Variants in ZDHHC2 observed in about 807,000 individuals in gnomAD.
The protein encoded by ZDHHC2 is zDHHC palmitoyltransferase 2.
Under a neutral mutation model 55.6 loss-of-function variants are expected in ZDHHC2, and 51 were observed. That is an observed-to-expected ratio of 0.92 (90% CI 0.73 to 1.16). The LOEUF is 1.16. ZDHHC2 is among the 50% of genes most tolerant of loss of function. The pLI, the probability that ZDHHC2 is intolerant of heterozygous loss-of-function variation, is 0.00. For missense variants in ZDHHC2, 491 were observed against 442.4 expected (o/e 1.11, Z -0.99); for synonymous variants, 199 against 152.9 (o/e 1.30, Z -2.22).
chr8:17,214,865 G>A (rs1807570357), intron 10 of ZDHHC2, among the ~76,000 whole-genome samples: 1 of 152,142 alleles, frequency 6.6e-6, no homozygotes, highest in African/African-American at 2.4e-5. Flanking sequence ...CTGCACTCCA[G>A]CCTGGGCAAT....
At chr8:17,216,378 T>G (rs551291231) in intron 11 of ZDHHC2, among the ~76,000 whole-genome samples, 1 of 152,200 alleles carries the variant, frequency 6.6e-6, no homozygotes. Context: ...AGCCTTATCT[T>G]TAAGAAATAT....
intron 3 of ZDHHC2, among the ~76,000 whole-genome samples, chr8:17,188,759 C>G (rs566810366): frequency 1.1e-4 from 17 of 152,320 alleles, no homozygotes; most frequent in Admixed American, 6.5e-4. Context: ...TTCCAGCTCC[C>G]TATTTGACAT....
At chr8:17,195,382 C>G in intron 3 of ZDHHC2, 122 bp from the exon 4 acceptor site, 1 of 1,156,380 alleles carries the variant, frequency 8.6e-7, no homozygotes, top group Non-Finnish European at 1.2e-6. Flanking sequence ...ACTCTATTGT[C>G]TCTTTGAATG....
intron 1 of ZDHHC2, among the ~76,000 whole-genome samples, chr8:17,167,690 A>G (rs1804671614): frequency 6.6e-6 from 1 of 152,336 alleles, no homozygotes; most frequent in East Asian, 1.9e-4. Flanking sequence ...GAGAATTTAG[A>G]TGATAAAGTT....
intron 12 of ZDHHC2, 72 bp downstream of exon 12, chr8:17,217,318 A>G (rs1358938070): frequency 2.7e-6 from 3 of 1,110,390 alleles, no homozygotes; most frequent in Non-Finnish European, 3.8e-6. Context: ...AATAGTTTCC[A>G]TAAACATTTT....
intron 1 of ZDHHC2, among the ~76,000 whole-genome samples, chr8:17,177,744 T>G (rs1805217231): frequency 7.2e-6 from 1 of 137,958 alleles, no homozygotes; most frequent in South Asian, 2.6e-4. Flanking sequence ...GTCTCTGTTT[T>G]GGGGTGTTTG....
chr8:17,198,660 A>G (rs529335489), intron 6 of ZDHHC2, among the ~76,000 whole-genome samples: 3 of 152,368 alleles, frequency 2.0e-5, no homozygotes, highest in South Asian at 4.1e-4. Flanking sequence ...GCTCAGAACA[A>G]AGGATTTTGT....
At chr8:17,214,476 A>G (rs1337831679) in intron 10 of ZDHHC2, among the ~76,000 whole-genome samples, 1 of 152,040 alleles carries the variant, frequency 6.6e-6, no homozygotes, top group Non-Finnish European at 1.5e-5. Context: ...TCACATTCAT[A>G]TTTTCTTCCA....
At chr8:17,202,684 GTAT>G (rs1806852104) in intron 6 of ZDHHC2, among the ~76,000 whole-genome samples, 2 of 150,346 alleles carry the variant, frequency 1.3e-5, no homozygotes, top group Admixed American at 1.3e-4. Flanking sequence ...AGACAGTAAG[GTAT>G]TATTCAAAAT....
rs375225493 is a variant in ZDHHC2 at position 17,213,004 on chromosome 8, T to G, written c.951-2233T>G. ...TGGCCTTCTGGATGTCATTCTTTTT[T>G]ACTTTCCTTTCACTTACAATCCTCA... On this transcript the variant is annotated intron_variant, in intron 10 of 12. Coordinates refer to ENST00000262096, the MANE Select transcript of ZDHHC2 (RefSeq NM_016353.5). Among the ~76,000 whole-genome samples, 9 of 152,092 alleles carry G rather than the reference T, an allele frequency of 5.9e-5. 1 individual carries two copies. In the East Asian group the frequency reaches 1.3e-3, roughly 23 times the overall value.
rs1585625854 is a variant in ZDHHC2, at chr8:17,156,842, A to G, written c.119A>G (p.Gln40Arg). 4 of 1,512,438 alleles carry G rather than the reference A, an allele frequency of 2.6e-6. No individual in the cohort carries two copies. The highest frequency in any genetic ancestry group is 3.5e-6 in the Non-Finnish European group (4 of 1,129,032). 93.7% of individuals were successfully genotyped at this position (1,512,438 alleles called of 1,614,324 possible). The change falls in exon 1 of 13, where the codon CAG becomes CGG. Residue 40 changes from glutamine to arginine, a missense_variant. Physicochemically the swap from Gln to Arg is conservative, Grantham distance 43. Transcript: ENST00000262096. ...LGWSYYAYAI[Q>R]LCIVSMENTG... ...TGGTCCTACTACGCCTACGCCATCCAGCTGTGCATAGGTGAGTGCGCCCCC... is the reference window on the plus strand; with the variant it reads ...TGGTCCTACTACGCCTACGCCATCCGGCTGTGCATAGGTGAGTGCGCCCCC...
chr8:17,186,082 G>C (rs1310382015), intron 2 of ZDHHC2, among the ~76,000 whole-genome samples: 1 of 152,168 alleles, frequency 6.6e-6, no homozygotes, highest in Non-Finnish European at 1.5e-5. Flanking sequence ...TAGATGGTCT[G>C]TCTACAGATG....
intron 6 of ZDHHC2, among the ~76,000 whole-genome samples, chr8:17,203,340 C>T (rs577944100): frequency 1.3e-5 from 2 of 151,994 alleles, no homozygotes; most frequent in African/African-American, 4.8e-5. Context: ...AAGTGCTTCT[C>T]CTGCCTCTGC....
chr8:17,175,564 C>T (rs547446050), intron 1 of ZDHHC2, among the ~76,000 whole-genome samples: 8 of 152,306 alleles, frequency 5.3e-5, no homozygotes, highest in African/African-American at 1.7e-4. Flanking sequence ...AATTTATCCT[C>T]CATATTTGAT....
In ZDHHC2 at chr8:17,201,427, A is replaced by G. The variant is rs188128387; in HGVS notation, c.476+3014A>G. 7.1e-4 allele frequency among the ~76,000 whole-genome samples: 99 copies of G among 138,820 alleles called. No homozygotes were observed. In the Middle Eastern group the frequency reaches 0.012, roughly 17 times the overall value. The allele number at this position is 138,820 out of a possible 152,430, so 91.1% of individuals were successfully genotyped here. A position where few individuals can be genotyped will look rare whatever the true frequency, so the allele number is the denominator to read the frequency against. On this transcript the variant is annotated intron_variant, in intron 6 of 12. Transcript: ENST00000262096. ...TGTATTCATCTAATGGCAGTCACTT[A>G]TAGGACTTTTAGGATGTTTTCAGAC...
chr8:17,160,517 C>T (rs955653795), intron 1 of ZDHHC2, among the ~76,000 whole-genome samples: 2 of 152,220 alleles, frequency 1.3e-5, no homozygotes, highest in Admixed American at 6.5e-5. Context: ...CAATGTCCTT[C>T]CTCCGAGTTA....
At chr8:17,207,933 C>T (rs1454330058) in intron 7 of ZDHHC2, 27 bp from the exon 8 acceptor site, 1 of 1,433,106 alleles carries the variant, frequency 7.0e-7, no homozygotes, top group Non-Finnish European at 9.2e-7. Flanking sequence ...TTTGACAAAA[C>T]ATGTTATTTT....
At chr8:17,191,807 C>G (rs576052809) in intron 3 of ZDHHC2, among the ~76,000 whole-genome samples, 1 of 152,094 alleles carries the variant, frequency 6.6e-6, no homozygotes, top group Admixed American at 6.5e-5. Context: ...CTTTAACATA[C>G]TTGTTTCCTT....
intron 1 of ZDHHC2, among the ~76,000 whole-genome samples, chr8:17,176,893 T>C (rs1805161636): frequency 6.6e-6 from 1 of 152,014 alleles, no homozygotes; most frequent in Admixed American, 6.6e-5. Context: ...AGATAGGTTA[T>C]AAAGAAAATA....
Sources: allele counts gnomAD v4.1 joint callset (sites outside exome capture counted in the v4.1 genomes callset), GRCh38; gene constraint gnomAD v4.1.1; transcripts MANE v1.5; gene names NCBI Gene and HGNC (gene_info 2026-07-23, HGNC 2026-07-21).